The following GAP43 variants were observed in gnomAD, a reference collection of about 807,000 sequenced individuals.
GAP43 encodes the protein growth associated protein 43, also known as neuromodulin.
A neutral mutation model predicts 18.6 loss-of-function variants in GAP43; 6 were observed. The observed-to-expected ratio is 0.32, with a 90% CI of 0.18 to 0.64. GAP43 has a LOEUF of 0.64. Among genes scored for constraint, GAP43 ranks in the 30% least tolerant of loss-of-function variants. The pLI, the probability that GAP43 is intolerant of heterozygous loss-of-function variation, is 0.78. For synonymous variants in GAP43, 115 were observed against 111.4 expected, an observed-to-expected ratio of 1.03 and a Z score of -0.20; for missense variants, 292 against 295.5, an observed-to-expected ratio of 0.99 and a Z score of 0.09.
At chr3:115,704,632 G>A (rs1427417620) in intron 2 of GAP43, among the ~76,000 whole-genome samples, 2 of 151,968 alleles carry the variant, frequency 1.3e-5, no homozygotes, top group African/African-American at 4.8e-5. Flanking sequence ...AACAAAAATA[G>A]CAATGGAGGG....
At chr3:115,701,999 T>C (rs964225795) in intron 2 of GAP43, among the ~76,000 whole-genome samples, 8 of 152,086 alleles carry the variant, frequency 5.3e-5, no homozygotes, top group Non-Finnish European at 1.5e-5. Context: ...CAGGTGCATT[T>C]GGGAGAGAGG....
At chr3:115,687,782 G>A (rs986616879) in intron 2 of GAP43, among the ~76,000 whole-genome samples, 7 of 152,108 alleles carry the variant, frequency 4.6e-5, no homozygotes, top group Admixed American at 2.6e-4. Context: ...AAAAATTACT[G>A]TTTTAAACTT....
chr3:115,698,127 A>G (rs1217177529), intron 2 of GAP43, among the ~76,000 whole-genome samples: 2 of 9,454 alleles, frequency 2.1e-4, no homozygotes, highest in Non-Finnish European at 1.1e-3. Context: ...TATATATTAT[A>G]TATAATATAT....
intron 1 of GAP43, among the ~76,000 whole-genome samples, chr3:115,647,601 G>A (rs1310234343): frequency 2.0e-5 from 3 of 151,852 alleles, no homozygotes; most frequent in African/African-American, 7.3e-5. Flanking sequence ...CCAGAGAAGT[G>A]GGATAACATG....
chr3:115,635,451 T>C (rs1004418392), intron 1 of GAP43, among the ~76,000 whole-genome samples: 3 of 152,154 alleles, frequency 2.0e-5, no homozygotes, highest in Admixed American at 1.3e-4. Flanking sequence ...TCTTAAACTT[T>C]GTACCTTACA....
intron 1 of GAP43, among the ~76,000 whole-genome samples, chr3:115,639,421 C>G (rs1708369858): frequency 6.6e-6 from 1 of 152,094 alleles, no homozygotes. Context: ...ATTCTGCTTC[C>G]TAAGCTTGGT....
At chr3:115,712,597 T>A (rs989885015) in intron 2 of GAP43, among the ~76,000 whole-genome samples, 1 of 152,140 alleles carries the variant, frequency 6.6e-6, no homozygotes, top group Non-Finnish European at 1.5e-5. Flanking sequence ...TTCAAATACC[T>A]CCCTTCAAAC....
At chr3:115,712,897 G>T (rs554503898) in intron 2 of GAP43, among the ~76,000 whole-genome samples, 2 of 152,092 alleles carry the variant, frequency 1.3e-5, no homozygotes, top group Admixed American at 1.3e-4. Flanking sequence ...TTAGCAAAAA[G>T]GTTATTCTCT....
intron 1 of GAP43, 146 bp from the exon 2 acceptor site, chr3:115,675,867 A>G (rs141249538): frequency 8.7e-7 from 1 of 1,154,404 alleles, no homozygotes; most frequent in Non-Finnish European, 1.2e-6. Flanking sequence ...GTTTGATTTG[A>G]ACTTCCAGGG....
At chr3:115,674,446 C>T (rs750133815) in intron 1 of GAP43, among the ~76,000 whole-genome samples, 1 of 152,130 alleles carries the variant, frequency 6.6e-6, no homozygotes, top group Non-Finnish European at 1.5e-5. Context: ...AATTAATTTT[C>T]ATGTGGAAAA....
In GAP43 at chr3:115,696,586, C is replaced by A. The variant is rs546645392; in HGVS notation, c.628+19976C>A. On this transcript the variant is annotated intron_variant, in intron 2 of 2. Transcript: ENST00000305124. ...CCTTGCTGCCCCCCACCGCCCCCCC[C>A]CCCCACAAACAGGTATGCTCATATG... Among the ~76,000 whole-genome samples, 60 of 128,422 alleles carry A rather than the reference C, an allele frequency of 4.7e-4. 3 individuals carry two copies. Among genetic ancestry groups the A allele is most frequent in the African/African-American group, 1.2e-3 (40 of 33,000 alleles). 84.2% of individuals were successfully genotyped at this position (128,422 alleles called of 152,430 possible).
intron 1 of GAP43, among the ~76,000 whole-genome samples, chr3:115,634,533 C>T (rs781645086): frequency 2.6e-5 from 4 of 151,810 alleles, no homozygotes; most frequent in Admixed American, 6.6e-5. Context: ...CCCAGAAATT[C>T]GGGAGGCTGA....
Position 115,623,576 on chromosome 3 carries a change from T to A in GAP43, c.-114T>A. 7.2e-7 allele frequency: 1 copy of A among 1,384,144 alleles called. No individual in the cohort carries two copies. Among genetic ancestry groups the A allele is most frequent in the South Asian group, 1.2e-5 (1 of 83,604 alleles). 85.7% of individuals were successfully genotyped at this position (1,384,144 alleles called of 1,614,324 possible). On this transcript the variant is annotated 5_prime_UTR_variant, in exon 1 of 3. Transcript: ENST00000305124. ...AGGGAGGGAGGGAGAGAGAGCGCGC[T>A]AGCGCGAGAGAGCGAGTGAGCAAGC...
chr3:115,717,944 T>C (rs1449496867), intron 2 of GAP43, among the ~76,000 whole-genome samples: 1 of 152,172 alleles, frequency 6.6e-6, no homozygotes. Flanking sequence ...CTTGATTGTA[T>C]TCCAACAAGG....
At chr3:115,658,982 T>TCCCC (rs927126043) in intron 1 of GAP43, 2 of 152,234 alleles carry the variant, frequency 1.3e-5, no homozygotes, top group African/African-American at 4.8e-5. Context: ...AAGCAGCGGG[T>TCCCC]GGGGAAGAGG....
chr3:115,683,147 G>GCGCGCGCGCGCACA (rs1252333447), intron 2 of GAP43, among the ~76,000 whole-genome samples: 35 of 127,394 alleles, frequency 2.7e-4, no homozygotes, highest in African/African-American at 3.6e-4. Flanking sequence ...GCGCGCGCGC[G>GCGCGCGCGCGCACA]CACACACACA....
At chr3:115,678,949 T>A (rs778105369) in intron 2 of GAP43, among the ~76,000 whole-genome samples, 4 of 151,286 alleles carry the variant, frequency 2.6e-5, no homozygotes, top group Non-Finnish European at 5.9e-5. Flanking sequence ...CTGTGATGAA[T>A]CTCATGGGAT....
At chr3:115,700,943 TGAC>T (rs1402099330) in intron 2 of GAP43, among the ~76,000 whole-genome samples, 1 of 152,126 alleles carries the variant, frequency 6.6e-6, no homozygotes, top group Non-Finnish European at 1.5e-5. Context: ...TAGATCAGAC[TGAC>T]AGCAGACATC....
At chr3:115,629,550 G>A (rs931209202) in intron 1 of GAP43, among the ~76,000 whole-genome samples, 1 of 151,958 alleles carries the variant, frequency 6.6e-6, no homozygotes. Flanking sequence ...GCTCTTTGAA[G>A]CCATTCTTAA....
Sources: gnomAD v4.1 joint callset for allele counts (sites outside exome capture counted in the v4.1 genomes callset) on GRCh38, gnomAD v4.1.1 for gene constraint, MANE v1.5 for transcripts, NCBI Gene and HGNC (gene_info 2026-07-23, HGNC 2026-07-21) for gene names.